The following SERPINA10 variants were observed in gnomAD, a reference collection of about 807,000 sequenced individuals.
SERPINA10 encodes serpin family A member 10.
Under a neutral mutation model 28.0 loss-of-function variants are expected in SERPINA10, and 24 were observed. The ratio of observed to expected loss-of-function variants is 0.86; its 90% CI spans 0.62 to 1.20. The LOEUF (loss-of-function observed/expected upper bound fraction) is 1.20. Ranked by LOEUF, SERPINA10 falls within the 50% of genes most tolerant of loss-of-function variation. The probability of loss-of-function intolerance (pLI) is 0.00; values close to 1 mark genes in which losing one functional copy is unlikely to be tolerated. For synonymous variants in SERPINA10, 207 were observed against 203.9 expected (o/e 1.02, Z -0.13); for missense variants, 521 against 537.7 (o/e 0.97, Z 0.31).
chr14:94,289,701 C>T (rs758810303), intron 2 of SERPINA10, among the ~76,000 whole-genome samples, 175 bp downstream of exon 2: 7 of 152,134 alleles, frequency 4.6e-5, no homozygotes, highest in Non-Finnish European at 8.8e-5. Flanking sequence ...CAGGGAAGGG[C>T]CTCAAATGAC....
chr14:94,283,927 C>T lies in SERPINA10; in HGVS notation c.*38G>A, dbSNP rs761427245. ...TGTGTGTTTGATACCTCAGATTCAG[C>T]ATCTACTACAGCACGAAGTGCTTAT... is the stretch of plus-strand genomic sequence containing the variant. On this transcript the variant is annotated 3_prime_UTR_variant, in exon 5 of 5. Coordinates refer to ENST00000261994, the MANE Select transcript of SERPINA10 (RefSeq NM_001100607.3). 1 of 1,593,872 alleles carries T rather than the reference C, an allele frequency of 6.3e-7. No individual in the cohort carries two copies. Among genetic ancestry groups the T allele is most frequent in the Non-Finnish European group, 8.6e-7 (1 of 1,161,748 alleles).
Position 94,290,171 on chromosome 14 carries a change from C to G in SERPINA10, c.423G>C (p.Leu141=), listed in dbSNP as rs1895129281. 3 of 1,614,014 alleles carry G rather than the reference C, an allele frequency of 1.9e-6. No individual in the cohort carries two copies. Among genetic ancestry groups the G allele is most frequent in the Non-Finnish European group, 2.5e-6 (3 of 1,179,958 alleles). The part of the protein sequence containing the change: ...QALKPTKPGL[L]PSLFKGLRET... ...CTCTGAGTCCCTTAAAGAGGGAAGG[C>G]AGGAGCCCGGGCTTGGTGGGCTTCA... Residue 141 remains leucine, a synonymous_variant, in exon 2 of 5, where the codon CTG becomes CTC. Transcript: ENST00000261994.
chr14:94,290,110 G>A lies in SERPINA10; in HGVS notation c.484C>T (p.Gln162Ter), dbSNP rs958202784. 6.2e-7 allele frequency: 1 copy of A among 1,614,084 alleles called. No individual in the cohort carries two copies. Among genetic ancestry groups the A allele is most frequent in the African/African-American group, 1.3e-5 (1 of 74,932 alleles). The change falls in exon 2 of 5, where the codon CAG (glutamine) becomes TAG (stop). Residue 162 changes from glutamine (Q) to a stop codon, truncating the protein, a stop_gained. Transcript: ENST00000261994. LOFTEE classifies it high-confidence loss of function. ...TTGTGGATGAAGGCAAAACTCCCCT[G>A]TGTGAGGCCCAGTTCCAGGTTGCGG... ...LSRNLELGLT[Q>*]GSFAFIHKDF...
intron 1 of SERPINA10, chr14:94,292,978 G>A: frequency 2.6e-6 from 1 of 386,168 alleles, no homozygotes; most frequent in Non-Finnish European, 4.9e-6. Context: ...CCTCCTTCCT[G>A]CAGAGGAGCC....
chr14:94,286,898 T>C (rs949592933), intron 3 of SERPINA10, among the ~76,000 whole-genome samples: 2 of 152,192 alleles, frequency 1.3e-5, no homozygotes, highest in African/African-American at 2.4e-5. Flanking sequence ...TGTTAGGTGC[T>C]AAAGATATGA....
chr14:94,290,129 G>A lies in SERPINA10; in HGVS notation c.465C>T (p.Asn155=). ...TCCCCTGTGTGAGGCCCAGTTCCAG[G>A]TTGCGGGAGAGGGTCTCTCTGAGTC... ...FKGLRETLSR[N]LELGLTQGSF... The change falls in exon 2 of 5, where the codon AAC becomes AAT. Residue 155 remains asparagine, a synonymous_variant. Transcript: ENST00000261994. 2 of 1,614,178 alleles carry A rather than the reference G, an allele frequency of 1.2e-6. No individual in the cohort carries two copies. Among genetic ancestry groups the A allele is most frequent in the Non-Finnish European group, 1.7e-6 (2 of 1,180,024 alleles).
At position 94,290,453 on chromosome 14, in the gene SERPINA10, C is replaced by T. The variant is rs1895142910; in HGVS notation, c.141G>A (p.Glu47=). Residue 47 remains glutamate, a synonymous_variant, in exon 2 of 5, where the codon GAG becomes GAA. Coordinates refer to ENST00000261994, the MANE Select transcript of SERPINA10 (RefSeq NM_001100607.3). ...QTSRVVQAPK[E]EEEDEQEASE... is the part of the protein sequence containing the mutation. The stretch of plus-strand genomic sequence containing the variant: ...TGGCCTCCTGCTCATCTTCCTCTTC[C>T]TCCTTGGGAGCCTGCACTACCCTGC... The T allele has an allele frequency of 6.2e-7, 1 of 1,613,646 alleles. No homozygotes were observed. Among genetic ancestry groups the T allele is most frequent in the African/African-American group, 1.3e-5 (1 of 75,046 alleles).
Position 94,290,426 on chromosome 14 carries a change from G to C in SERPINA10, c.168C>G (p.Ser56Arg), listed in dbSNP as rs140320667. The stretch of plus-strand genomic sequence containing the variant: ...TCTCTTCCTCACTGGCCTTCTCCTC[G>C]CTGGCCTCCTGCTCATCTTCCTCTT... ...KEEEEDEQEA[S>R]EEKASEEEKA... The change falls in exon 2 of 5, where the codon AGC (serine) becomes AGG (arginine). Residue 56 changes from serine (S) to arginine (R), a missense_variant. By Grantham distance (110) the Ser-to-Arg change is moderately radical (BLOSUM62 -1). Transcript: ENST00000261994. 1 of 1,613,568 alleles carries C rather than the reference G, an allele frequency of 6.2e-7. No individual in the cohort carries two copies.
At chr14:94,288,992 C>T (rs1230439901) in intron 2 of SERPINA10, among the ~76,000 whole-genome samples, 3 of 152,214 alleles carry the variant, frequency 2.0e-5, no homozygotes, top group African/African-American at 7.2e-5. Context: ...CATGCAGAGT[C>T]CAAGGTGGCA....
chr14:94,292,257 G>A (rs1457169045), intron 1 of SERPINA10, among the ~76,000 whole-genome samples: 1 of 152,110 alleles, frequency 6.6e-6, no homozygotes, highest in African/African-American at 2.4e-5. Flanking sequence ...GTCATAAGAA[G>A]AGAGCAGAGT....
At chr14:94,291,995 C>CT (rs34985041) in intron 1 of SERPINA10, among the ~76,000 whole-genome samples, 1,976 of 152,306 alleles carry the variant, frequency 0.013, 42 homozygotes, top group African/African-American at 0.045. Flanking sequence ...TGAGGAAGCT[C>CT]TTTTTGACTC....
chr14:94,285,159 T>C (rs1894988748), intron 4 of SERPINA10, among the ~76,000 whole-genome samples: 1 of 152,188 alleles, frequency 6.6e-6, no homozygotes, highest in Non-Finnish European at 1.5e-5. Flanking sequence ...AGGAAGAATG[T>C]AGAGAGATGT....
rs55692922 is a variant in SERPINA10, at chr14:94,292,731, G to A, written c.-51+458C>T. Reference sequence around the variant, plus strand: ...TTGCTCATCTACCCAACCCTTTGGAGTCTAGGCCAGGAGCTCAGGGGGTGC... The same window carrying A: ...TTGCTCATCTACCCAACCCTTTGGAATCTAGGCCAGGAGCTCAGGGGGTGC... On this transcript the variant is annotated intron_variant, in intron 1 of 4. Transcript: ENST00000261994. The A allele has an allele frequency of 6.5e-4, 455 of 700,108 alleles. 2 individuals are homozygous for A. In the African/African-American group the frequency reaches 7.3e-3, roughly 11 times the overall value. 43.4% of individuals were successfully genotyped at this position (700,108 alleles called of 1,614,324 possible).
In SERPINA10 at chr14:94,288,378, C is replaced by A; in HGVS notation, c.900G>T (p.Val300=). 1.2e-6 allele frequency: 2 copies of A among 1,614,068 alleles called. No homozygotes were observed. Among genetic ancestry groups the A allele is most frequent in the South Asian group, 1.1e-5 (1 of 91,072 alleles). The change falls in exon 3 of 5, where the codon GTG becomes GTT. Residue 300 remains valine (V), a synonymous_variant. Transcript: ENST00000261994. ...GGTCACCCATTTTCTCCATGAGGAC[C>A]ACCAGCATGGTGGCATTTCCTTGGT... is the stretch of plus-strand genomic sequence containing the variant. ...LPYQGNATML[V]VLMEKMGDHL...
rs891365206 is a variant in SERPINA10 at position 94,288,629 on chromosome 14, TAGAG to T, written c.719-74_719-71del. On this transcript the variant is annotated intron_variant, in intron 2 of 4. Coordinates refer to ENST00000261994, the MANE Select transcript of SERPINA10 (RefSeq NM_001100607.3). ...AAAAGCATTGTTCTTGCTCAAATAATAGAGAGGGAGCCTTCTATCTCACTTCTCT... is the reference window on the plus strand; with the variant it reads ...AAAAGCATTGTTCTTGCTCAAATAATAGGGAGCCTTCTATCTCACTTCTCT... 43 of 1,586,450 alleles carry T rather than the reference TAGAG, an allele frequency of 2.7e-5. No homozygotes were observed. The African/African-American group carries it at 5.5e-4, about 20-fold the overall frequency.
chr14:94,287,821 C>A (rs960201513), intron 3 of SERPINA10, among the ~76,000 whole-genome samples: 8 of 152,214 alleles, frequency 5.3e-5, no homozygotes, highest in Non-Finnish European at 1.0e-4. Flanking sequence ...CTTCTCTCCC[C>A]GAATATATCC....
chr14:94,289,389 A>G (rs1387810514), intron 2 of SERPINA10, among the ~76,000 whole-genome samples: 1 of 152,232 alleles, frequency 6.6e-6, no homozygotes, highest in African/African-American at 2.4e-5. Flanking sequence ...AGTTTGGAAG[A>G]ACAAGTAAAC....
chr14:94,283,954 C>G lies in SERPINA10; in HGVS notation c.*11G>C. ...TCTACTACAGCACGAAGTGCTTATG[C>G]GTGTCCTGAATTATAGGAGAGTCGG... On this transcript the variant is annotated 3_prime_UTR_variant, in exon 5 of 5. Coordinates refer to ENST00000261994, the MANE Select transcript of SERPINA10 (RefSeq NM_001100607.3). The G allele has an allele frequency of 6.2e-7, 1 of 1,613,422 alleles. No homozygotes were observed. The highest frequency in any genetic ancestry group is 8.5e-7 in the Non-Finnish European group (1 of 1,179,364).
chr14:94,290,069 T>C lies in SERPINA10; in HGVS notation c.525A>G (p.Lys175=). Residue 175 remains lysine, a synonymous_variant, in exon 2 of 5, where the codon AAA becomes AAG. Coordinates refer to ENST00000261994, the MANE Select transcript of SERPINA10 (RefSeq NM_001100607.3). ...TCTTGGATAAATTGAAGAAAGTCTC[T>C]TTGACATCAAAATCCTTGTGGATGA... ...FAFIHKDFDV[K]ETFFNLSKRY... is the part of the protein sequence containing the mutation. The C allele has an allele frequency of 6.2e-7, 1 of 1,614,246 alleles. No individual in the cohort carries two copies. Among genetic ancestry groups the C allele is most frequent in the Non-Finnish European group, 8.5e-7 (1 of 1,180,044 alleles).
Sources: gnomAD v4.1 joint callset for allele counts (sites outside exome capture counted in the v4.1 genomes callset) on GRCh38, gnomAD v4.1.1 for gene constraint, MANE v1.5 for transcripts, NCBI Gene and HGNC (gene_info 2026-07-23, HGNC 2026-07-21) for gene names.